The following ARHGAP5 variants were observed in gnomAD, a reference collection of about 807,000 sequenced individuals.
The protein encoded by ARHGAP5 is Rho GTPase activating protein 5.
Under a neutral mutation model 116.6 loss-of-function variants are expected in ARHGAP5, and 23 were observed. The ratio of observed to expected loss-of-function variants is 0.20; its 90% confidence interval spans 0.14 to 0.28. The LOEUF (loss-of-function observed/expected upper bound fraction) is 0.28. Ranked by LOEUF, ARHGAP5 falls within the 10% of genes least tolerant of loss-of-function variation. The pLI, the probability that ARHGAP5 is intolerant of heterozygous loss-of-function variation, is 1.00. For missense variants in ARHGAP5, 1,405 were observed against 1,774.8 expected, an observed-to-expected ratio of 0.79 and a Z score of 3.74; for synonymous variants, 574 against 602.0, an observed-to-expected ratio of 0.95 and a Z score of 0.68.
At chr14:32,143,687 G>C (rs1881243298) in intron 3 of ARHGAP5, among the ~76,000 whole-genome samples, 1 of 152,192 alleles carries the variant, frequency 6.6e-6, no homozygotes, top group Non-Finnish European at 1.5e-5. Context: ...ATAATTCACA[G>C]CTGGATAATT....
chr14:32,144,364 C>T (rs961534073), intron 3 of ARHGAP5, among the ~76,000 whole-genome samples: 1 of 151,714 alleles, frequency 6.6e-6, no homozygotes, highest in African/African-American at 2.4e-5. Context: ...TCTTCAAGTT[C>T]AGTTATTATT....
chr14:32,134,102 C>T (rs1880658110), intron 3 of ARHGAP5, among the ~76,000 whole-genome samples: 4 of 152,182 alleles, frequency 2.6e-5, no homozygotes, highest in Non-Finnish European at 4.4e-5. Flanking sequence ...AATCCAGCAG[C>T]ACGTCAGAAA....
intron 5 of ARHGAP5, among the ~76,000 whole-genome samples, 181 bp from the exon 6 acceptor site, chr14:32,152,242 G>A (rs1005957998): frequency 6.6e-6 from 1 of 152,122 alleles, no homozygotes; most frequent in Non-Finnish European, 1.5e-5. Context: ...CACAAAACTG[G>A]TCCCTGGTGC....
intron 3 of ARHGAP5, among the ~76,000 whole-genome samples, chr14:32,133,935 C>G (rs1344389892): frequency 6.6e-6 from 1 of 151,962 alleles, no homozygotes; most frequent in Non-Finnish European, 1.5e-5. Flanking sequence ...GATGTCCAAT[C>G]AATAGAAAAA....
intron 3 of ARHGAP5, among the ~76,000 whole-genome samples, chr14:32,140,076 TTTTTTTTTAGGTTATTTGTTC>T (rs1881022932): frequency 6.8e-6 from 1 of 147,332 alleles, no homozygotes; most frequent in Non-Finnish European, 1.5e-5. Flanking sequence ...CTTTTTTTTT[TTTTTTTTTAGGTTATTTGTTC>T]TTTTTTTTTT....
chr14:32,127,802 A>G (rs1351026907), intron 3 of ARHGAP5, among the ~76,000 whole-genome samples: 2 of 146,074 alleles, frequency 1.4e-5, no homozygotes, highest in African/African-American at 5.2e-5. Context: ...GGCGCCCCCC[A>G]CCTCCCAGAC....
At chr14:32,139,492 G>A (rs984914457) in intron 3 of ARHGAP5, among the ~76,000 whole-genome samples, 15 of 151,966 alleles carry the variant, frequency 9.9e-5, no homozygotes, top group African/African-American at 1.4e-4. Context: ...ATTTGATGGC[G>A]TACAATTGTT....
intron 2 of ARHGAP5, among the ~76,000 whole-genome samples, chr14:32,111,202 T>A (rs1879276425): frequency 6.6e-6 from 1 of 152,180 alleles, no homozygotes; most frequent in South Asian, 2.1e-4. Context: ...TGTTCAAGGC[T>A]ACAGTGAACT....
intron 2 of ARHGAP5, among the ~76,000 whole-genome samples, 154 bp downstream of exon 2, chr14:32,094,540 ATT>A (rs932316725): frequency 3.3e-5 from 5 of 151,896 alleles, no homozygotes; most frequent in African/African-American, 1.2e-4. Flanking sequence ...GGGATAAGTG[ATT>A]TTTTGTTATT....
intron 3 of ARHGAP5, among the ~76,000 whole-genome samples, chr14:32,131,019 C>T (rs1057377077): frequency 5.3e-5 from 8 of 152,160 alleles, no homozygotes; most frequent in Non-Finnish European, 8.8e-5. Flanking sequence ...CGGCATGACA[C>T]TTCACCTCCA....
rs2139020718 is a variant in ARHGAP5, at chr14:32,093,159, G to C, written c.2490G>C (p.Gln830His). ...TTGGTGAAAAAAGGAGGCGAATACAGATCACAATATTATCATACCACTCTT... is the reference window on the plus strand; with the variant it reads ...TTGGTGAAAAAAGGAGGCGAATACACATCACAATATTATCATACCACTCTT... The part of the protein sequence containing the change: ...KIIGEKRRRI[Q>H]ITILSYHSSI... Residue 830 changes from glutamine to histidine, a missense_variant, in exon 2 of 7, where the codon CAG becomes CAC. Physicochemically the swap from Gln to His is conservative, Grantham distance 24. This residue lies in a region of ARHGAP5 where 944 missense variants were observed against 1,095.3 expected (regional missense o/e 0.86). Transcript: ENST00000345122. 11 of 1,613,978 alleles carry C rather than the reference G, an allele frequency of 6.8e-6. No homozygotes were observed. Among genetic ancestry groups the C allele is most frequent in the Non-Finnish European group, 9.3e-6 (11 of 1,179,908 alleles).
chr14:32,130,032 C>T (rs1315873609), intron 3 of ARHGAP5, among the ~76,000 whole-genome samples: 4 of 151,868 alleles, frequency 2.6e-5, no homozygotes, highest in Non-Finnish European at 5.9e-5. Context: ...TACTGCATTC[C>T]AGCCTGGGTA....
chr14:32,150,275 T>C (rs999944167), intron 5 of ARHGAP5, among the ~76,000 whole-genome samples: 1 of 152,194 alleles, frequency 6.6e-6, no homozygotes, highest in Non-Finnish European at 1.5e-5. Context: ...AATTAGAAGA[T>C]CATTGTACTA....
At position 32,156,321 on chromosome 14, in the gene ARHGAP5, A is replaced by AT. The variant is rs1436332102; in HGVS notation, c.*1376dup. 6.6e-6 allele frequency: 1 copy of AT among 152,394 alleles called. No individual in the cohort carries two copies. Among genetic ancestry groups the AT allele is most frequent in the Non-Finnish European group, 1.5e-5 (1 of 67,852 alleles). 9.4% of individuals were successfully genotyped at this position (152,394 alleles called of 1,614,324 possible). On this transcript the variant is annotated 3_prime_UTR_variant, in exon 7 of 7. Transcript: ENST00000345122. ...CAATGTTATCTTAATTCATACTACA[A>AT]TTTAAGATTATCTTATGTGTATTAT...
In ARHGAP5 at chr14:32,093,224, T is replaced by C. The variant is rs534133441; in HGVS notation, c.2555T>C (p.Ile852Thr). 5.0e-6 allele frequency: 8 copies of C among 1,613,848 alleles called. No individual in the cohort carries two copies. The highest frequency in any genetic ancestry group is 6.8e-6 in the Non-Finnish European group (8 of 1,179,922). The change falls in exon 2 of 7, where the codon ATA (isoleucine) becomes ACA (threonine). Residue 852 changes from isoleucine to threonine, a missense_variant. By Grantham distance (89) the Ile-to-Thr change is moderately conservative. This residue lies in a region of ARHGAP5 where 944 missense variants were observed against 1,095.3 expected (regional missense o/e 0.86). Transcript: ENST00000345122. ...VRKDELVHGYILVYSAKRKAS... is the reference protein window; with the variant it reads ...VRKDELVHGYTLVYSAKRKAS... ...AAAGATGAACTAGTTCATGGGTATA[T>C]ATTAGTTTACTCTGCAAAACGGAAA...
At chr14:32,094,425 C>G (rs766557921) in intron 2 of ARHGAP5, 39 bp downstream of exon 2, 2 of 1,438,744 alleles carry the variant, frequency 1.4e-6, no homozygotes, top group African/African-American at 1.4e-5. Flanking sequence ...TATAAAAATG[C>G]TTGTTGTTAC....
intron 3 of ARHGAP5, among the ~76,000 whole-genome samples, chr14:32,140,013 A>G (rs1566681566): frequency 6.8e-6 from 1 of 146,620 alleles, no homozygotes; most frequent in African/African-American, 2.5e-5. Context: ...TTGCCAATAT[A>G]ATTTCCTGCC....
At chr14:32,094,898 C>G (rs754842997) in intron 2 of ARHGAP5, among the ~76,000 whole-genome samples, 1 of 152,128 alleles carries the variant, frequency 6.6e-6, no homozygotes, top group Non-Finnish European at 1.5e-5. Flanking sequence ...GAATTCTAAA[C>G]AAATAGCAAG....
rs1206282090 is a variant in ARHGAP5, at chr14:32,155,115, T to A, written c.*167T>A. 2 of 646,390 alleles carry A rather than the reference T, an allele frequency of 3.1e-6. No individual in the cohort carries two copies. 40.0% of individuals were successfully genotyped at this position (646,390 alleles called of 1,614,324 possible). On this transcript the variant is annotated 3_prime_UTR_variant, in exon 7 of 7. Coordinates refer to ENST00000345122, the MANE Select transcript of ARHGAP5 (RefSeq NM_001030055.2). Reference sequence around the variant, plus strand: ...TCCTTATTCACTTACATTACAAATCTAAGACCATGTGATAAGCATGACTGG... The same window carrying A: ...TCCTTATTCACTTACATTACAAATCAAAGACCATGTGATAAGCATGACTGG...
Sources: allele counts gnomAD v4.1 joint callset (sites outside exome capture counted in the v4.1 genomes callset), GRCh38; gene constraint gnomAD v4.1.1; regional missense constraint gnomAD v4.1.1; transcripts MANE v1.5; gene names NCBI Gene and HGNC (gene_info 2026-07-23, HGNC 2026-07-21).